CTNND2: variants seen among roughly 807,000 people sequenced by gnomAD.
The protein encoded by CTNND2 is catenin delta-2.
A neutral mutation model predicts 144.4 loss-of-function variants in CTNND2; 22 were observed. The ratio of observed to expected loss-of-function variants is 0.15; its 90% confidence interval spans 0.11 to 0.22. The LOEUF (loss-of-function observed/expected upper bound fraction) is 0.22. Ranked by LOEUF, CTNND2 falls within the 10% of genes least tolerant of loss-of-function variation. The pLI is 1.00. For synonymous variants in CTNND2, 751 were observed against 695.6 expected, an observed-to-expected ratio of 1.08 and a Z score of -1.25; for missense variants, 1,353 against 1,618.8, an observed-to-expected ratio of 0.84 and a Z score of 2.82.
At chr5:11,902,235 G>A (rs1397495712) in intron 1 of CTNND2, among the ~76,000 whole-genome samples, 2 of 152,174 alleles carry the variant, frequency 1.3e-5, no homozygotes, top group Admixed American at 1.3e-4. Context: ...ACAACAGTAG[G>A]AACATTCTCC....
chr5:11,674,982 A>G (rs1784097678), intron 2 of CTNND2, among the ~76,000 whole-genome samples: 1 of 152,098 alleles, frequency 6.6e-6, no homozygotes, highest in African/African-American at 2.4e-5. Context: ...TGCCTCAGGC[A>G]TATGTAGTTT....
chr5:11,806,801 T>C (rs992762788), intron 1 of CTNND2, among the ~76,000 whole-genome samples: 1 of 152,048 alleles, frequency 6.6e-6, no homozygotes, highest in African/African-American at 2.4e-5. Context: ...TTATGATTAT[T>C]TTGATGATCA....
At chr5:11,804,408 T>G (rs1791882344) in intron 1 of CTNND2, among the ~76,000 whole-genome samples, 1 of 152,158 alleles carries the variant, frequency 6.6e-6, no homozygotes, top group South Asian at 2.1e-4. Flanking sequence ...CATGTGAATG[T>G]TTATAGTAGT....
intron 2 of CTNND2, among the ~76,000 whole-genome samples, chr5:11,675,192 T>C (rs905488411): frequency 4.6e-5 from 7 of 152,180 alleles, no homozygotes; most frequent in African/African-American, 1.4e-4. Context: ...GCATTTGATA[T>C]GCAATATTCA....
At chr5:11,121,370 T>C (rs1476120356) in intron 12 of CTNND2, among the ~76,000 whole-genome samples, 1 of 152,230 alleles carries the variant, frequency 6.6e-6, no homozygotes, top group Non-Finnish European at 1.5e-5. Flanking sequence ...CTTCTATGTC[T>C]GGTTAGAAAT....
At chr5:11,732,539 A>C (rs1044345194) in intron 1 of CTNND2, among the ~76,000 whole-genome samples, 6 of 152,232 alleles carry the variant, frequency 3.9e-5, no homozygotes, top group African/African-American at 1.2e-4. Context: ...ATGGGGAAAG[A>C]AATCATCAGA....
chr5:11,578,835 T>C (rs2150126378), intron 2 of CTNND2, among the ~76,000 whole-genome samples: 1 of 152,342 alleles, frequency 6.6e-6, no homozygotes, highest in East Asian at 1.9e-4. Context: ...TGGTATTTCC[T>C]ATTCTTGATA....
At chr5:11,380,177 C>T (rs1469085385) in intron 7 of CTNND2, among the ~76,000 whole-genome samples, 1 of 152,178 alleles carries the variant, frequency 6.6e-6, no homozygotes, top group Admixed American at 6.5e-5. Flanking sequence ...ACTGCCCATT[C>T]CTGTGGCTGT....
intron 1 of CTNND2, among the ~76,000 whole-genome samples, chr5:11,771,621 C>G (rs1789946289): frequency 6.6e-6 from 1 of 152,150 alleles, no homozygotes; most frequent in African/African-American, 2.4e-5. Flanking sequence ...TTGTAGACCT[C>G]ACTTAATACC....
intron 3 of CTNND2, among the ~76,000 whole-genome samples, chr5:11,413,775 C>T (rs897851166): frequency 5.3e-5 from 8 of 152,054 alleles, no homozygotes; most frequent in South Asian, 4.1e-4. Flanking sequence ...ATTTAGGGCT[C>T]CCCACAACTT....
intron 18 of CTNND2, among the ~76,000 whole-genome samples, chr5:10,997,629 A>G (rs1207893465): frequency 6.6e-6 from 1 of 151,952 alleles, no homozygotes; most frequent in Admixed American, 6.6e-5. Flanking sequence ...TGTCTTTTGA[A>G]GGAAATGCTT....
chr5:11,608,390 A>C (rs1191031052), intron 2 of CTNND2, among the ~76,000 whole-genome samples: 1 of 152,162 alleles, frequency 6.6e-6, no homozygotes, highest in Non-Finnish European at 1.5e-5. Flanking sequence ...CTCTAAGTTC[A>C]CACACCCAGA....
intron 2 of CTNND2, among the ~76,000 whole-genome samples, chr5:11,707,543 G>A (rs1251216566): frequency 6.6e-6 from 1 of 152,122 alleles, no homozygotes; most frequent in Non-Finnish European, 1.5e-5. Context: ...TGTAGTTCAG[G>A]AAGATACCAC....
chr5:11,749,331 T>C (rs1581819626), intron 1 of CTNND2, among the ~76,000 whole-genome samples: 1 of 152,198 alleles, frequency 6.6e-6, no homozygotes, highest in African/African-American at 2.4e-5. Flanking sequence ...ATAACTAATA[T>C]TGAGCGTAGT....
At chr5:10,996,894 GC>G (rs1232047339) in intron 18 of CTNND2, among the ~76,000 whole-genome samples, 1 of 152,142 alleles carries the variant, frequency 6.6e-6, no homozygotes, top group African/African-American at 2.4e-5. Flanking sequence ...ACTGTGCCCG[GC>G]CAATTTTGCT....
intron 3 of CTNND2, among the ~76,000 whole-genome samples, chr5:11,528,420 A>G (rs923072300): frequency 6.6e-6 from 1 of 152,238 alleles, no homozygotes; most frequent in African/African-American, 2.4e-5. Context: ...TCACATAAAA[A>G]AAAAATGAAA....
intron 2 of CTNND2, among the ~76,000 whole-genome samples, chr5:11,596,769 G>A (rs1000067680): frequency 2.0e-5 from 3 of 152,162 alleles, no homozygotes; most frequent in Admixed American, 6.5e-5. Flanking sequence ...TGCCTTGGAG[G>A]TGAGGGTTAC....
intron 2 of CTNND2, among the ~76,000 whole-genome samples, chr5:11,661,670 T>C (rs901602184): frequency 2.0e-5 from 3 of 152,174 alleles, no homozygotes; most frequent in Non-Finnish European, 2.9e-5. Flanking sequence ...TAACAACTGC[T>C]TTATTTGGGT....
intron 16 of CTNND2, among the ~76,000 whole-genome samples, chr5:11,026,460 C>T (rs1477409347): frequency 2.0e-5 from 3 of 149,226 alleles, no homozygotes; most frequent in East Asian, 2.0e-4. Context: ...TGGGTTCAAG[C>T]GATTCTTCTG....
Sources: gnomAD v4.1 joint callset for allele counts (sites outside exome capture counted in the v4.1 genomes callset) on GRCh38, gnomAD v4.1.1 for gene constraint, MANE v1.5 for transcripts, NCBI Gene and HGNC (gene_info 2026-07-23, HGNC 2026-07-21) for gene names.